Variants in CDH11 observed in about 807,000 individuals in gnomAD.
CDH11 encodes the protein cadherin 11.
A neutral mutation model predicts 67.8 loss-of-function variants in CDH11; 11 were observed. That is an observed-to-expected ratio of 0.16 (90% CI 0.10 to 0.27). The LOEUF (loss-of-function observed/expected upper bound fraction) is 0.27. Among genes scored for constraint, CDH11 ranks in the 10% least tolerant of loss-of-function variants. The pLI is 1.00. For missense variants in CDH11, 847 were observed against 1,031.2 expected, an observed-to-expected ratio of 0.82 and a Z score of 2.45; for synonymous variants, 419 against 400.0, an observed-to-expected ratio of 1.05 and a Z score of -0.57.
At chr16:65,035,102 G>A (rs2073725890) in intron 2 of CDH11, among the ~76,000 whole-genome samples, 1 of 152,182 alleles carries the variant, frequency 6.6e-6, no homozygotes, top group Non-Finnish European at 1.5e-5. Context: ...CAAGGCTGCT[G>A]GGAACCCAGC....
chr16:65,059,074 TAATC>T (rs1291806427), intron 1 of CDH11, among the ~76,000 whole-genome samples: 6 of 152,318 alleles, frequency 3.9e-5, no homozygotes, highest in Non-Finnish European at 8.8e-5. Flanking sequence ...TAATTAATAA[TAATC>T]TATAAGCATT....
At chr16:65,073,061 T>C (rs1423419892) in intron 1 of CDH11, among the ~76,000 whole-genome samples, 1 of 152,234 alleles carries the variant, frequency 6.6e-6, no homozygotes, top group Non-Finnish European at 1.5e-5. Context: ...TAGGTTACAA[T>C]GCTACATTTT....
chr16:65,006,773 G>C (rs192588645), intron 2 of CDH11: 7 of 152,212 alleles, frequency 4.6e-5, no homozygotes, highest in Non-Finnish European at 7.3e-5. Flanking sequence ...ATGTGTTGTG[G>C]GAGGGACCCA....
At chr16:65,013,944 AC>A (rs2073237861) in intron 2 of CDH11, among the ~76,000 whole-genome samples, 1 of 152,250 alleles carries the variant, frequency 6.6e-6, no homozygotes, top group African/African-American at 2.4e-5. Flanking sequence ...GTAATCATTC[AC>A]AAAATATAAA....
At position 64,971,330 on chromosome 16, in the gene CDH11, G is replaced by A. The variant is rs953678202; in HGVS notation, c.1642+249C>T. On this transcript the variant is annotated intron_variant, in intron 11 of 12. Coordinates refer to ENST00000268603, the MANE Select transcript of CDH11 (RefSeq NM_001797.4). The stretch of plus-strand genomic sequence containing the variant: ...AGTTGTTTGCATATTGACCCTGTAA[G>A]CTTCCCCACTTAGTTTTCCCACTGC... Among the ~76,000 whole-genome samples the A allele has an allele frequency of 3.3e-5, 5 of 152,194 alleles. No individual in the cohort carries two copies. In the South Asian group the frequency reaches 6.2e-4, roughly 19 times the overall value.
chr16:65,082,079 G>C (rs763414028), intron 1 of CDH11, among the ~76,000 whole-genome samples: 1 of 152,128 alleles, frequency 6.6e-6, no homozygotes, highest in Non-Finnish European at 1.5e-5. Context: ...AGAGGCCATG[G>C]ACAGGAGATT....
At chr16:65,117,470 T>G (rs957415539) in intron 1 of CDH11, among the ~76,000 whole-genome samples, 1 of 152,196 alleles carries the variant, frequency 6.6e-6, no homozygotes, top group African/African-American at 2.4e-5. Flanking sequence ...TCATAAGCCA[T>G]AATTTCCATA....
chr16:64,949,041 CTG>C (rs1002946753), intron 12 of CDH11, among the ~76,000 whole-genome samples: 42 of 152,324 alleles, frequency 2.8e-4, no homozygotes, highest in African/African-American at 1.0e-3. Flanking sequence ...TCCCAAAGCT[CTG>C]TGCTTTTTTC....
intron 2 of CDH11, among the ~76,000 whole-genome samples, chr16:65,042,130 A>C (rs1331685320): frequency 6.6e-6 from 1 of 152,234 alleles, no homozygotes; most frequent in Non-Finnish European, 1.5e-5. Flanking sequence ...AGAAATATTT[A>C]GAGTGCTACT....
chr16:65,087,928 G>A lies in CDH11; in HGVS notation c.-298+33952C>T, dbSNP rs536897959. Among the ~76,000 whole-genome samples, 8 of 152,182 alleles carry A rather than the reference G, an allele frequency of 5.3e-5. No individual in the cohort carries two copies. In the East Asian group the frequency reaches 1.5e-3, roughly 29 times the overall value. On this transcript the variant is annotated intron_variant, in intron 1 of 12. Transcript: ENST00000268603. Reference sequence around the variant, plus strand: ...TGGAAGAATATCGTGGAAATGTAGAGGTGCAAAATAAATTAAATAAAGTTG... The same window carrying A: ...TGGAAGAATATCGTGGAAATGTAGAAGTGCAAAATAAATTAAATAAAGTTG...
intron 1 of CDH11, among the ~76,000 whole-genome samples, chr16:65,081,913 C>G (rs1876519943): frequency 7.8e-6 from 1 of 127,462 alleles, no homozygotes; most frequent in African/African-American, 3.1e-5. Context: ...AGTCACATCA[C>G]ATGTCCTTGG....
At chr16:65,010,941 T>C (rs1389670212) in intron 2 of CDH11, among the ~76,000 whole-genome samples, 1 of 127,660 alleles carries the variant, frequency 7.8e-6, no homozygotes, top group African/African-American at 2.9e-5. Context: ...CAACTGCATA[T>C]ATATGTGTGA....
intron 1 of CDH11, among the ~76,000 whole-genome samples, chr16:65,099,914 G>A (rs1037085740): frequency 5.3e-5 from 8 of 152,280 alleles, no homozygotes; most frequent in African/African-American, 1.9e-4. Context: ...AGTGAGAGCT[G>A]AAGGTCAGAG....
chr16:65,034,451 CCT>C (rs2073711598), intron 2 of CDH11, among the ~76,000 whole-genome samples: 1 of 152,136 alleles, frequency 6.6e-6, no homozygotes, highest in African/African-American at 2.4e-5. Flanking sequence ...GCCAGCCACC[CCT>C]GTTATCCTGG....
At chr16:65,036,144 A>C (rs2073749747) in intron 2 of CDH11, among the ~76,000 whole-genome samples, 1 of 152,116 alleles carries the variant, frequency 6.6e-6, no homozygotes, top group African/African-American at 2.4e-5. Flanking sequence ...GCCATCTTAT[A>C]GGTGAAGAAA....
intron 1 of CDH11, among the ~76,000 whole-genome samples, chr16:65,056,469 T>C (rs940469117): frequency 6.6e-6 from 1 of 152,200 alleles, no homozygotes; most frequent in African/African-American, 2.4e-5. Flanking sequence ...TAGTAATACG[T>C]TGTTGTTATA....
At chr16:65,092,774 G>A (rs2074813587) in intron 1 of CDH11, among the ~76,000 whole-genome samples, 1 of 147,954 alleles carries the variant, frequency 6.8e-6, no homozygotes, top group Non-Finnish European at 1.5e-5. Flanking sequence ...TCATCTTGAG[G>A]GACATTTTCC....
At chr16:64,996,728 A>T (rs1026954659) in intron 4 of CDH11, among the ~76,000 whole-genome samples, 3 of 152,182 alleles carry the variant, frequency 2.0e-5, no homozygotes, top group Admixed American at 6.5e-5. Context: ...GAATAATATC[A>T]TGCCTTTGCA....
At chr16:64,965,466 AGTC>A (rs1255537454) in intron 11 of CDH11, among the ~76,000 whole-genome samples, 1 of 152,046 alleles carries the variant, frequency 6.6e-6, no homozygotes, top group African/African-American at 2.4e-5. Context: ...TCAGTATCAC[AGTC>A]TTCCACCTCC....
Sources: gnomAD v4.1 joint callset for allele counts (sites outside exome capture counted in the v4.1 genomes callset) on GRCh38, gnomAD v4.1.1 for gene constraint, MANE v1.5 for transcripts, NCBI Gene and HGNC (gene_info 2026-07-23, HGNC 2026-07-21) for gene names.